Variants in ITPK1 observed in about 807,000 individuals in gnomAD.
ITPK1 encodes inositol 1,3,4-trisphosphate 5/6-kinase.
A neutral mutation model predicts 45.3 loss-of-function variants in ITPK1; 21 were observed. The ratio of observed to expected loss-of-function variants is 0.46; its 90% CI spans 0.33 to 0.67. The LOEUF is 0.67. Ranked by LOEUF, ITPK1 falls within the 30% of genes least tolerant of loss-of-function variation. The pLI, the probability that ITPK1 is intolerant of heterozygous loss-of-function variation, is 0.02. For missense variants in ITPK1, 474 were observed against 573.5 expected (o/e 0.83, Z 1.77); for synonymous variants, 258 against 253.6 (o/e 1.02, Z -0.16).
intron 4 of ITPK1, among the ~76,000 whole-genome samples, chr14:93,003,001 C>T (rs1887426427): frequency 6.6e-6 from 1 of 152,168 alleles, no homozygotes. Flanking sequence ...AAATACATGA[C>T]ATAACTGAAG....
At chr14:92,984,541 G>A (rs1229734001) in intron 5 of ITPK1, among the ~76,000 whole-genome samples, 1 of 152,138 alleles carries the variant, frequency 6.6e-6, no homozygotes, top group Non-Finnish European at 1.5e-5. Flanking sequence ...AATCGGTAAT[G>A]AAATTCAACA....
intron 4 of ITPK1, among the ~76,000 whole-genome samples, chr14:93,000,151 G>A (rs545253904): frequency 1.3e-4 from 20 of 152,324 alleles, no homozygotes; most frequent in African/African-American, 4.8e-4. Flanking sequence ...TTCATCATTG[G>A]AAGGAATTTG....
At chr14:93,099,597 A>G (rs1482401594) in intron 2 of ITPK1, among the ~76,000 whole-genome samples, 32 of 152,208 alleles carry the variant, frequency 2.1e-4, no homozygotes, top group Non-Finnish European at 1.0e-4. Context: ...GGACTCTCAG[A>G]ATCTGCCTGT....
chr14:93,060,517 G>A (rs1441957364), intron 3 of ITPK1, among the ~76,000 whole-genome samples: 1 of 152,182 alleles, frequency 6.6e-6, no homozygotes, highest in Non-Finnish European at 1.5e-5. Context: ...GAACAGGCGA[G>A]TATCAGCATG....
chr14:92,996,966 T>G (rs1461989696), intron 4 of ITPK1, among the ~76,000 whole-genome samples: 1 of 152,238 alleles, frequency 6.6e-6, no homozygotes, highest in African/African-American at 2.4e-5. Flanking sequence ...AGATGGCCTC[T>G]GGTTCCAAGG....
At position 92,938,400 on chromosome 14, in the gene ITPK1, T is replaced by C. The variant is rs1024786933; in HGVS notation, c.*3161A>G. On this transcript the variant is annotated 3_prime_UTR_variant, in exon 11 of 11. Coordinates refer to ENST00000267615, the MANE Select transcript of ITPK1 (RefSeq NM_014216.6). ...CAGGCTAGAAGGACAAACGACAGGC[T>C]GGCTCCCTTGGTCTTGGGGTGGCTG... 9.4e-7 allele frequency: 1 copy of C among 1,066,844 alleles called. No homozygotes were observed. 66.1% of individuals were successfully genotyped at this position (1,066,844 alleles called of 1,614,324 possible). A position where few individuals can be genotyped will look rare whatever the true frequency, so the allele number is the denominator to read the frequency against.
At chr14:92,986,278 C>T (rs1886480158) in intron 5 of ITPK1, among the ~76,000 whole-genome samples, 1 of 152,242 alleles carries the variant, frequency 6.6e-6, no homozygotes, top group South Asian at 2.1e-4. Context: ...TCTGACCAAT[C>T]TGACCAACAA....
intron 4 of ITPK1, among the ~76,000 whole-genome samples, chr14:93,015,578 C>A (rs1686847976): frequency 6.6e-6 from 1 of 152,274 alleles, no homozygotes; most frequent in African/African-American, 2.4e-5. Context: ...AGACAGTGTT[C>A]AGCAAGTGGA....
intron 3 of ITPK1, among the ~76,000 whole-genome samples, chr14:93,047,254 T>C (rs1228000559): frequency 6.6e-6 from 1 of 152,216 alleles, no homozygotes; most frequent in Non-Finnish European, 1.5e-5. Context: ...CACACTCACT[T>C]TGGGGTGGGC....
chr14:92,946,300 G>C (rs774990557), intron 10 of ITPK1, 31 bp downstream of exon 10: 2 of 1,610,664 alleles, frequency 1.2e-6, no homozygotes, highest in East Asian at 2.2e-5. Flanking sequence ...TCTGGAGGCC[G>C]GTCAGTGGAG....
At chr14:93,056,014 A>G (rs1890202658) in intron 3 of ITPK1, among the ~76,000 whole-genome samples, 1 of 152,178 alleles carries the variant, frequency 6.6e-6, no homozygotes, top group East Asian at 1.9e-4. Context: ...AGGCCACAGG[A>G]GAGCTCCAGT....
At chr14:93,010,554 C>T (rs751299876) in intron 4 of ITPK1, among the ~76,000 whole-genome samples, 3 of 152,232 alleles carry the variant, frequency 2.0e-5, no homozygotes, top group Admixed American at 6.5e-5. Flanking sequence ...TCCCTCTGAC[C>T]CCCACCTGGC....
intron 4 of ITPK1, among the ~76,000 whole-genome samples, chr14:93,009,112 T>C (rs770510372): frequency 6.6e-6 from 1 of 152,066 alleles, no homozygotes; most frequent in South Asian, 2.1e-4. Flanking sequence ...CATCTGGTAA[T>C]GAGCAGCCGG....
chr14:92,976,985 G>C (rs1885976143), intron 5 of ITPK1, among the ~76,000 whole-genome samples: 1 of 152,228 alleles, frequency 6.6e-6, no homozygotes, highest in African/African-American at 2.4e-5. Flanking sequence ...ACTGTAGCCA[G>C]TCCCAGAAGC....
At chr14:92,996,474 C>T (rs371963189) in intron 4 of ITPK1, among the ~76,000 whole-genome samples, 17 of 151,742 alleles carry the variant, frequency 1.1e-4, no homozygotes, top group East Asian at 9.7e-4. Context: ...GGAGATATAC[C>T]TAATGTAAAT....
At chr14:93,104,942 G>A (rs748309015) in intron 2 of ITPK1, among the ~76,000 whole-genome samples, 4 of 152,142 alleles carry the variant, frequency 2.6e-5, no homozygotes, top group Admixed American at 6.5e-5. Flanking sequence ...TGAGGAAAAC[G>A]CCACAAGTGT....
intron 3 of ITPK1, among the ~76,000 whole-genome samples, chr14:93,066,030 T>A (rs1890729414): frequency 6.6e-6 from 1 of 152,256 alleles, no homozygotes; most frequent in African/African-American, 2.4e-5. Flanking sequence ...CTCTGGGTTT[T>A]CATTTGTGAG....
intron 3 of ITPK1, among the ~76,000 whole-genome samples, chr14:93,056,633 C>T (rs1387479422): frequency 6.6e-6 from 1 of 152,176 alleles, no homozygotes; most frequent in East Asian, 1.9e-4. Context: ...AGTGCAGCAG[C>T]CACAGCTCTA....
chr14:93,031,329 G>A (rs1457062105), intron 3 of ITPK1, among the ~76,000 whole-genome samples: 2 of 152,312 alleles, frequency 1.3e-5, no homozygotes, highest in African/African-American at 4.8e-5. Flanking sequence ...AGTGGGGGAA[G>A]CTGGCAAAAG....
Sources: allele counts gnomAD v4.1 joint callset (sites outside exome capture counted in the v4.1 genomes callset), GRCh38; gene constraint gnomAD v4.1.1; transcripts MANE v1.5; gene names NCBI Gene and HGNC (gene_info 2026-07-23, HGNC 2026-07-21).